PPP1R21: variants seen among roughly 807,000 people sequenced by gnomAD.
The protein encoded by PPP1R21 is KLRAQ motif containing 1.
In PPP1R21, 85 loss-of-function variants were observed where a neutral mutation model predicts 112.8. That is an observed-to-expected ratio of 0.75 (90% CI 0.63 to 0.90). The LOEUF is 0.90. Ranked by LOEUF, PPP1R21 falls within the 40% of genes least tolerant of loss-of-function variation. PPP1R21 has a pLI of 0.00. For missense variants in PPP1R21, 1,199 were observed against 901.5 expected (o/e 1.33, Z -4.23); for synonymous variants, 381 against 322.3 (o/e 1.18, Z -1.95).
chr2:48,468,567 C>G (rs1416653885), intron 9 of PPP1R21, among the ~76,000 whole-genome samples: 2 of 152,124 alleles, frequency 1.3e-5, no homozygotes, highest in African/African-American at 4.8e-5. Context: ...AATCCTAGTA[C>G]TTTGGGAGGC....
chr2:48,513,982 G>A (rs142905407), intron 21 of PPP1R21, among the ~76,000 whole-genome samples: 48 of 151,428 alleles, frequency 3.2e-4, no homozygotes, highest in African/African-American at 1.1e-3. Flanking sequence ...AATCAGTGCC[G>A]TTTGGGTGTT....
chr2:48,469,306 T>A (rs1231228753), intron 9 of PPP1R21, among the ~76,000 whole-genome samples: 1 of 130,394 alleles, frequency 7.7e-6, no homozygotes, highest in African/African-American at 3.2e-5. Flanking sequence ...TATGTATATA[T>A]ATACACACAC....
Position 48,498,255 on chromosome 2 carries a change from T to C in PPP1R21, c.1693-238T>C, listed in dbSNP as rs188014278. Among the ~76,000 whole-genome samples, 747 of 149,898 alleles carry C rather than the reference T, an allele frequency of 5.0e-3. 1 individual carries two copies. The highest frequency in any genetic ancestry group is 8.0e-3 in the Non-Finnish European group (539 of 67,212). On this transcript the variant is annotated intron_variant, in intron 16 of 21. Coordinates refer to ENST00000294952, the MANE Select transcript of PPP1R21 (RefSeq NM_001135629.3). The stretch of plus-strand genomic sequence containing the variant: ...CAATTCTGAGTTTTCTTTTCACTCT[T>C]GATGTTTTTCAATGAGTAGAGTTTT...
intron 1 of PPP1R21, among the ~76,000 whole-genome samples, chr2:48,445,374 T>G (rs1667203484): frequency 6.6e-6 from 1 of 152,106 alleles, no homozygotes; most frequent in Admixed American, 6.5e-5. Context: ...TTTAAATAAT[T>G]TAATTAAAAT....
chr2:48,448,423 TC>T (rs1001248683), intron 1 of PPP1R21, among the ~76,000 whole-genome samples: 1 of 152,252 alleles, frequency 6.6e-6, no homozygotes, highest in Non-Finnish European at 1.5e-5. Context: ...AGGTTTTTTT[TC>T]TTAAAATTAA....
At chr2:48,481,051 T>A (rs1283998408) in intron 13 of PPP1R21, among the ~76,000 whole-genome samples, 2 of 152,292 alleles carry the variant, frequency 1.3e-5, no homozygotes, top group Non-Finnish European at 2.9e-5. Flanking sequence ...TGCAGTGGTG[T>A]GATCTCCGCT....
In PPP1R21 at chr2:48,513,779, A is replaced by G. The variant is rs139635842; in HGVS notation, c.2314-936A>G. On this transcript the variant is annotated intron_variant, in intron 21 of 21. Transcript: ENST00000294952. ...TATTCTGCAAGCATTTCTTCCATGA[A>G]GAAAATGTATTTATGCCTAAGAGTT... Among the ~76,000 whole-genome samples the G allele has an allele frequency of 4.0e-4, 61 of 152,342 alleles. 1 individual carries two copies. Among genetic ancestry groups the G allele is most frequent in the African/African-American group, 1.4e-3 (60 of 41,586 alleles).
intron 17 of PPP1R21, among the ~76,000 whole-genome samples, chr2:48,498,999 T>C: frequency 6.6e-6 from 1 of 152,108 alleles, no homozygotes; most frequent in East Asian, 1.9e-4. Context: ...TGTTCTCACA[T>C]GGCAGAAGGG....
intron 21 of PPP1R21, 106 bp from the exon 22 acceptor site, chr2:48,514,609 A>G (rs1572906461): frequency 1.3e-6 from 1 of 788,572 alleles, no homozygotes; most frequent in Non-Finnish European, 2.2e-6. Context: ...TTTGGAAGCT[A>G]GTGTTCCAAA....
intron 7 of PPP1R21, among the ~76,000 whole-genome samples, chr2:48,463,092 T>C (rs889412667): frequency 1.3e-5 from 2 of 152,236 alleles, no homozygotes; most frequent in Non-Finnish European, 2.9e-5. Context: ...TATGTATCTA[T>C]ATAACTGCTG....
chr2:48,503,066 T>C (rs1216555896), intron 17 of PPP1R21, among the ~76,000 whole-genome samples: 1 of 152,182 alleles, frequency 6.6e-6, no homozygotes, highest in East Asian at 1.9e-4. Context: ...ATTTGAATAT[T>C]CAGCCACCTA....
intron 17 of PPP1R21, among the ~76,000 whole-genome samples, chr2:48,500,447 A>G (rs1042436316): frequency 2.0e-5 from 3 of 152,142 alleles, no homozygotes; most frequent in South Asian, 4.1e-4. Context: ...AAAATATAGA[A>G]GAGAAAAAAG....
chr2:48,479,352 G>A (rs970505024), intron 12 of PPP1R21: 2 of 388,108 alleles, frequency 5.2e-6, no homozygotes, highest in African/African-American at 2.1e-5. Flanking sequence ...GTGATTCTTG[G>A]TTTAAATACC....
intron 12 of PPP1R21, among the ~76,000 whole-genome samples, chr2:48,479,717 A>G (rs1190033859): frequency 2.0e-5 from 3 of 152,242 alleles, no homozygotes; most frequent in African/African-American, 7.2e-5. Flanking sequence ...CCATTAAAAA[A>G]TATTTGTGGA....
At chr2:48,504,446 G>C (rs1160056622) in intron 17 of PPP1R21, among the ~76,000 whole-genome samples, 1 of 152,144 alleles carries the variant, frequency 6.6e-6, no homozygotes, top group Admixed American at 6.5e-5. Context: ...TTCAAGACCA[G>C]CCTGGCCAAC....
intron 11 of PPP1R21, among the ~76,000 whole-genome samples, chr2:48,473,561 T>C (rs1668616403): frequency 6.6e-6 from 1 of 152,222 alleles, no homozygotes; most frequent in Admixed American, 6.5e-5. Context: ...ATTAATATTT[T>C]TCAGCAATTT....
intron 1 of PPP1R21, among the ~76,000 whole-genome samples, chr2:48,450,183 G>A (rs1179595419): frequency 6.6e-6 from 1 of 152,162 alleles, no homozygotes; most frequent in East Asian, 1.9e-4. Flanking sequence ...TCACTTAAAT[G>A]TAGCTTTGTG....
At chr2:48,487,197 A>G (rs1199098493) in intron 14 of PPP1R21, among the ~76,000 whole-genome samples, 3 of 152,216 alleles carry the variant, frequency 2.0e-5, no homozygotes, top group African/African-American at 4.8e-5. Flanking sequence ...TCTGCCATAT[A>G]GAACACTGGG....
At position 48,451,183 on chromosome 2, in the gene PPP1R21, C is replaced by G. The variant is rs74638485; in HGVS notation, c.126+107C>G. 5 of 839,884 alleles carry G rather than the reference C, an allele frequency of 6.0e-6. No homozygotes were observed. The East Asian group carries it at 7.3e-5, about 12-fold the overall frequency. 52.0% of individuals were successfully genotyped at this position (839,884 alleles called of 1,614,324 possible). On this transcript the variant is annotated intron_variant, in intron 2 of 21. Coordinates refer to ENST00000294952, the MANE Select transcript of PPP1R21 (RefSeq NM_001135629.3). The stretch of plus-strand genomic sequence containing the variant: ...TAAAGTTCCAACTCTGACACTGATT[C>G]ACTAGGGATAGGGGACAGTAATACA...
Sources: gnomAD v4.1 joint callset for allele counts (sites outside exome capture counted in the v4.1 genomes callset) on GRCh38, gnomAD v4.1.1 for gene constraint, MANE v1.5 for transcripts, NCBI Gene and HGNC (gene_info 2026-07-23, HGNC 2026-07-21) for gene names.